Variants in ARMC2 observed in about 807,000 individuals in gnomAD.
The protein encoded by ARMC2 is armadillo repeat containing 2.
A neutral mutation model predicts 90.3 loss-of-function variants in ARMC2; 67 were observed. The observed-to-expected ratio is 0.74, with a 90% CI of 0.61 to 0.91. The LOEUF is 0.91. Ranked by LOEUF, ARMC2 falls within the 40% of genes least tolerant of loss-of-function variation. ARMC2 has a pLI of 0.00. For missense variants in ARMC2, 920 were observed against 1,030.9 expected, an observed-to-expected ratio of 0.89 and a Z score of 1.47; for synonymous variants, 393 against 393.0, an observed-to-expected ratio of 1.00 and a Z score of 0.00.
At chr6:109,052,807 G>A in the ARMC2 span, among the ~76,000 whole-genome samples, 1 of 151,858 alleles carries the variant, frequency 6.6e-6, no homozygotes, top group African/African-American at 2.4e-5. Flanking sequence ...TATTCCTTTA[G>A]TTCATTCATT....
chr6:108,915,223 T>A (rs902434334), intron 10 of ARMC2, among the ~76,000 whole-genome samples: 1 of 152,160 alleles, frequency 6.6e-6, no homozygotes, highest in Admixed American at 6.5e-5. Context: ...CCCAAAGTGC[T>A]GGGATTATAG....
rs1240665650 is a variant in ARMC2 at position 108,974,154 on chromosome 6, C to G, written c.*640C>G. The G allele has an allele frequency of 6.6e-6, 1 of 152,186 alleles. No homozygotes were observed. Among genetic ancestry groups the G allele is most frequent in the Non-Finnish European group, 1.5e-5 (1 of 68,034 alleles). The allele number at this position is 152,186 out of a possible 1,614,324, so 9.4% of individuals were successfully genotyped here. On this transcript the variant is annotated 3_prime_UTR_variant, in exon 18 of 18. Coordinates refer to ENST00000392644, the MANE Select transcript of ARMC2 (RefSeq NM_032131.6). ...AGACAGTCCTTCTAATTGTAACTCT[C>G]TGTGTTTGACAGGTGAGGTAATGTA...
At chr6:108,868,537 A>C (rs765441606) in intron 3 of ARMC2, among the ~76,000 whole-genome samples, 12 of 152,170 alleles carry the variant, frequency 7.9e-5, no homozygotes, top group Non-Finnish European at 1.5e-4. Flanking sequence ...TCTTTTATAC[A>C]GATAATATCT....
intron 6 of ARMC2, among the ~76,000 whole-genome samples, chr6:108,899,223 G>T (rs544398388): frequency 6.6e-6 from 1 of 152,098 alleles, no homozygotes; most frequent in East Asian, 1.9e-4. Context: ...AAATCACTTG[G>T]CATTAATGCT....
chr6:108,934,333 T>G (rs773667017), intron 11 of ARMC2, among the ~76,000 whole-genome samples: 1 of 152,224 alleles, frequency 6.6e-6, no homozygotes, highest in Non-Finnish European at 1.5e-5. Context: ...TTAAATCTGT[T>G]AATATAGTAA....
At chr6:108,950,284 A>C (rs1290309270) in intron 12 of ARMC2, among the ~76,000 whole-genome samples, 2 of 152,230 alleles carry the variant, frequency 1.3e-5, no homozygotes, top group Non-Finnish European at 2.9e-5. Context: ...TACCCAAAGG[A>C]ATATAAATAA....
chr6:109,001,167 A>T, the ARMC2 span: 7 of 846,986 alleles, frequency 8.3e-6, no homozygotes, highest in Admixed American at 2.9e-5. Context: ...GAGACTGTGC[A>T]ACAGGAATCA....
intron 1 of ARMC2, among the ~76,000 whole-genome samples, chr6:108,849,666 T>A (rs1773808333): frequency 6.6e-6 from 1 of 152,282 alleles, no homozygotes; most frequent in African/African-American, 2.4e-5. Flanking sequence ...TGGGCAATAA[T>A]TGTTAACATC....
the ARMC2 span, among the ~76,000 whole-genome samples, chr6:108,983,513 T>C: frequency 4.6e-5 from 7 of 152,338 alleles, no homozygotes; most frequent in Admixed American, 4.6e-4. Flanking sequence ...GACTGTCCTG[T>C]CCTTATTGAG....
Position 108,953,218 on chromosome 6 carries a change from G to A in ARMC2, c.1782G>A (p.Gln594=), listed in dbSNP as rs1262858968. 6.2e-7 allele frequency: 1 copy of A among 1,613,996 alleles called. No homozygotes were observed. The highest frequency in any genetic ancestry group is 1.1e-5 in the South Asian group (1 of 91,088). ...AACGAGGCGAGCAGCACAGGGCGCAGAGGCCGCCGTCAGAGGCAGAGGACG... is the reference window on the plus strand; with the variant it reads ...AACGAGGCGAGCAGCACAGGGCGCAAAGGCCGCCGTCAGAGGCAGAGGACG... The part of the protein sequence containing the change: ...VGQRGEQHRA[Q]RPPSEAEDVL... Residue 594 remains glutamine (Q), a synonymous_variant, in exon 13 of 18, where the codon CAG becomes CAA. Coordinates refer to ENST00000392644, the MANE Select transcript of ARMC2 (RefSeq NM_032131.6).
chr6:108,868,219 T>C (rs1191071933), intron 3 of ARMC2, among the ~76,000 whole-genome samples: 1 of 31,168 alleles, frequency 3.2e-5, no homozygotes, highest in Non-Finnish European at 6.6e-5. Flanking sequence ...CTTTTTTTAT[T>C]TGGGGGTGGG....
downstream of ARMC2, among the ~76,000 whole-genome samples, chr6:108,978,108 T>C (rs2128523632): frequency 1.3e-5 from 2 of 152,338 alleles, no homozygotes; most frequent in South Asian, 4.1e-4. Context: ...CGAATTTAGA[T>C]CTTTCCTGCT....
At chr6:108,915,640 A>C (rs977868346) in intron 10 of ARMC2, among the ~76,000 whole-genome samples, 5 of 152,188 alleles carry the variant, frequency 3.3e-5, no homozygotes, top group African/African-American at 9.7e-5. Flanking sequence ...GATGTTGAAC[A>C]CTCAAGTGGG....
chr6:108,909,604 C>T (rs563468132), intron 8 of ARMC2, among the ~76,000 whole-genome samples: 105 of 152,212 alleles, frequency 6.9e-4, no homozygotes, highest in African/African-American at 2.4e-3. Context: ...GGCGCGATCT[C>T]GGCTCACTGC....
At chr6:108,990,905 G>C in the ARMC2 span, 1 of 1,320,956 alleles carries the variant, frequency 7.6e-7, no homozygotes, top group Non-Finnish European at 1.0e-6. Flanking sequence ...TAGCTCTGTA[G>C]CATGGTAAAA....
chr6:108,937,481 A>G (rs1776048350), intron 12 of ARMC2, among the ~76,000 whole-genome samples: 1 of 152,192 alleles, frequency 6.6e-6, no homozygotes, highest in Non-Finnish European at 1.5e-5. Context: ...TGCACTGGAT[A>G]GTCCCTGAAG....
chr6:108,979,352 G>C (rs956276383), downstream of ARMC2, among the ~76,000 whole-genome samples: 2 of 152,144 alleles, frequency 1.3e-5, no homozygotes, highest in Non-Finnish European at 2.9e-5. Flanking sequence ...CGTTTCTGCC[G>C]AGAGATCCGC....
chr6:109,003,860 C>A, the ARMC2 span, among the ~76,000 whole-genome samples: 1 of 152,118 alleles, frequency 6.6e-6, no homozygotes, highest in African/African-American at 2.4e-5. Context: ...TGAAACAATA[C>A]CTATTGGACA....
At chr6:109,024,209 A>AC in the ARMC2 span, among the ~76,000 whole-genome samples, 1 of 152,238 alleles carries the variant, frequency 6.6e-6, no homozygotes, top group South Asian at 2.1e-4. Context: ...TGCCTCTCTT[A>AC]GAGACAATTT....
Sources: allele counts gnomAD v4.1 joint callset (sites outside exome capture counted in the v4.1 genomes callset), GRCh38; gene constraint gnomAD v4.1.1; transcripts MANE v1.5; gene names NCBI Gene and HGNC (gene_info 2026-07-23, HGNC 2026-07-21).